GRM7: variants seen among roughly 807,000 people sequenced by gnomAD.
GRM7 encodes the protein metabotropic glutamate receptor 7.
Under a neutral mutation model 84.5 loss-of-function variants are expected in GRM7, and 35 were observed. That is an observed-to-expected ratio of 0.41 (90% CI 0.32 to 0.55). The LOEUF is 0.55. Ranked by LOEUF, GRM7 falls within the 20% of genes least tolerant of loss-of-function variation. GRM7 has a pLI of 0.19. For synonymous variants in GRM7, 487 were observed against 455.1 expected, an observed-to-expected ratio of 1.07 and a Z score of -0.89; for missense variants, 1,003 against 1,194.6, an observed-to-expected ratio of 0.84 and a Z score of 2.36.
chr3:7,086,290 G>C (rs1245860925), intron 1 of GRM7, among the ~76,000 whole-genome samples: 1 of 151,926 alleles, frequency 6.6e-6, no homozygotes, highest in Non-Finnish European at 1.5e-5. Flanking sequence ...ATGCATGAGG[G>C]TATATGTGTG....
chr3:6,922,605 T>G (rs918236492), intron 1 of GRM7, among the ~76,000 whole-genome samples: 1 of 152,240 alleles, frequency 6.6e-6, no homozygotes, highest in African/African-American at 2.4e-5. Flanking sequence ...GGGAAATACT[T>G]CATTAGATCA....
At chr3:7,001,518 T>C (rs529682633) in intron 1 of GRM7, among the ~76,000 whole-genome samples, 1 of 152,224 alleles carries the variant, frequency 6.6e-6, no homozygotes, top group African/African-American at 2.4e-5. Context: ...AACACACCTA[T>C]TTGTAAACTG....
At chr3:7,317,886 A>G (rs1270727730) in intron 4 of GRM7, among the ~76,000 whole-genome samples, 3 of 152,084 alleles carry the variant, frequency 2.0e-5, no homozygotes, top group Non-Finnish European at 2.9e-5. Context: ...AAAAGTTAAA[A>G]TGATTAAACA....
At chr3:7,529,985 A>C (rs1700968721) in intron 7 of GRM7, among the ~76,000 whole-genome samples, 1 of 150,546 alleles carries the variant, frequency 6.6e-6, no homozygotes, top group South Asian at 2.1e-4. Context: ...ATACATGTGC[A>C]GAACGTGCAG....
chr3:7,039,301 A>T (rs1696502961), intron 1 of GRM7, among the ~76,000 whole-genome samples: 1 of 152,212 alleles, frequency 6.6e-6, no homozygotes, highest in South Asian at 2.1e-4. Context: ...ACCATATAGC[A>T]GGCAGATGAT....
chr3:7,570,409 T>G (rs890133352), intron 7 of GRM7, among the ~76,000 whole-genome samples: 1 of 152,180 alleles, frequency 6.6e-6, no homozygotes, highest in African/African-American at 2.4e-5. Flanking sequence ...AGGCATTGGG[T>G]AAATACAGCC....
chr3:7,054,004 T>C (rs528411458), intron 1 of GRM7, among the ~76,000 whole-genome samples: 1 of 151,050 alleles, frequency 6.6e-6, no homozygotes, highest in East Asian at 2.0e-4. Flanking sequence ...TTTATCAATA[T>C]TTTGTAATTT....
At chr3:7,309,709 T>C (rs1479630541) in intron 4 of GRM7, among the ~76,000 whole-genome samples, 3 of 152,196 alleles carry the variant, frequency 2.0e-5, no homozygotes, top group Non-Finnish European at 2.9e-5. Context: ...GGCCTTTCTC[T>C]TCTATCTGTA....
intron 2 of GRM7, among the ~76,000 whole-genome samples, chr3:7,216,164 C>T (rs577566038): frequency 6.6e-6 from 1 of 152,176 alleles, no homozygotes; most frequent in Non-Finnish European, 1.5e-5. Flanking sequence ...TCTGCTATTT[C>T]TGTCACTTCA....
chr3:7,138,121 TTTG>T (rs1693828973), intron 1 of GRM7, among the ~76,000 whole-genome samples: 1 of 152,036 alleles, frequency 6.6e-6, no homozygotes, highest in Admixed American at 6.6e-5. Context: ...GTAAATATTT[TTTG>T]TTCTTAAAAC....
chr3:7,581,800 TA>T (rs1695267333), intron 8 of GRM7, among the ~76,000 whole-genome samples: 1 of 152,124 alleles, frequency 6.6e-6, no homozygotes, highest in African/African-American at 2.4e-5. Flanking sequence ...GGAATATCTG[TA>T]AAAATTTCTG....
At chr3:6,871,236 A>G (rs528948642) in intron 1 of GRM7, among the ~76,000 whole-genome samples, 1 of 152,324 alleles carries the variant, frequency 6.6e-6, no homozygotes, top group Non-Finnish European at 1.5e-5. Flanking sequence ...CCCTGATGTT[A>G]TAATTGCAAC....
chr3:6,909,736 A>T (rs909853843), intron 1 of GRM7, among the ~76,000 whole-genome samples: 3 of 152,072 alleles, frequency 2.0e-5, no homozygotes, highest in African/African-American at 7.2e-5. Flanking sequence ...TCTAGACTCG[A>T]TATCAGGATC....
chr3:7,179,948 G>C (rs1027308641), intron 2 of GRM7, among the ~76,000 whole-genome samples: 2 of 152,070 alleles, frequency 1.3e-5, no homozygotes, highest in African/African-American at 4.8e-5. Context: ...TTCCATTAGC[G>C]TATCAGTGAC....
At chr3:7,383,663 A>G (rs560406561) in intron 4 of GRM7, among the ~76,000 whole-genome samples, 13 of 152,286 alleles carry the variant, frequency 8.5e-5, no homozygotes, top group Middle Eastern at 3.4e-3. Context: ...CACCCCCGCA[A>G]CAGTCCACTT....
intron 1 of GRM7, among the ~76,000 whole-genome samples, chr3:7,098,968 C>T (rs1222127758): frequency 6.6e-6 from 1 of 151,730 alleles, no homozygotes; most frequent in Non-Finnish European, 1.5e-5. Flanking sequence ...GTGGGTTTTT[C>T]TTTATTTCAG....
At chr3:7,422,326 T>C (rs11717750) in intron 5 of GRM7, among the ~76,000 whole-genome samples, 68,810 of 152,074 alleles carry the variant, frequency 0.45, 16,211 homozygotes, top group African/African-American at 0.5. Context: ...CGTTGACCAA[T>C]GGAACCTTTT....
chr3:7,571,863 C>T lies in GRM7; in HGVS notation c.1516-6559C>T, dbSNP rs577578441. Among the ~76,000 whole-genome samples the T allele has an allele frequency of 1.5e-4, 22 of 150,848 alleles. 1 individual carries two copies. Among genetic ancestry groups the T allele is most frequent in the African/African-American group, 5.1e-4 (21 of 41,498 alleles). On this transcript the variant is annotated intron_variant, in intron 7 of 9. Coordinates refer to ENST00000357716, the MANE Select transcript of GRM7 (RefSeq NM_000844.4). ...CACAGTTCCACATGACTGGGGAGGCCTCACAATCATGGCAGACTGTGAAAT... is the reference window on the plus strand; with the variant it reads ...CACAGTTCCACATGACTGGGGAGGCTTCACAATCATGGCAGACTGTGAAAT...
chr3:7,270,229 T>G (rs565936739), intron 2 of GRM7, among the ~76,000 whole-genome samples: 1 of 146,258 alleles, frequency 6.8e-6, no homozygotes, highest in South Asian at 2.3e-4. Context: ...CAGTTTTTTA[T>G]CACACCAGGG....
Sources: gnomAD v4.1 joint callset for allele counts (sites outside exome capture counted in the v4.1 genomes callset) on GRCh38, gnomAD v4.1.1 for gene constraint, MANE v1.5 for transcripts, NCBI Gene and HGNC (gene_info 2026-07-23, HGNC 2026-07-21) for gene names.